C16orf74: variants seen among roughly 807,000 people sequenced by gnomAD.
The protein encoded by C16orf74 is uncharacterized protein C16orf74.
C16orf74 carries 10 observed loss-of-function variants against 6.5 expected under a neutral mutation model. The ratio of observed to expected loss-of-function variants is 1.54; its 90% CI spans 0.95 to 2.61. The LOEUF (loss-of-function observed/expected upper bound fraction) is 2.61, where lower values mean the gene tolerates loss of function less well. Ranked by LOEUF, C16orf74 falls within the 30% of genes most tolerant of loss-of-function variation. C16orf74 has a pLI of 0.00. For missense variants in C16orf74, 141 were observed against 105.9 expected (o/e 1.33, Z -1.45); for synonymous variants, 60 against 42.5 (o/e 1.41, Z -1.60).
intron 1 of C16orf74, among the ~76,000 whole-genome samples, chr16:85,739,564 G>A (rs1007794171): frequency 4.6e-5 from 7 of 152,172 alleles, no homozygotes; most frequent in African/African-American, 1.7e-4. Context: ...AGATAGGAGA[G>A]CATGACATAC....
chr16:85,741,313 T>C (rs1296036363), intron 1 of C16orf74, among the ~76,000 whole-genome samples: 1 of 152,136 alleles, frequency 6.6e-6, no homozygotes, highest in Non-Finnish European at 1.5e-5. Context: ...TGAAGAGGTG[T>C]CTGGAACTGA....
chr16:85,730,782 A>G (rs2054179181), intron 2 of C16orf74, among the ~76,000 whole-genome samples: 1 of 150,948 alleles, frequency 6.6e-6, no homozygotes, highest in African/African-American at 2.4e-5. Flanking sequence ...GACAACTTAA[A>G]CCCCATAGAT....
At chr16:85,748,598 GA>G (rs1367229503) in intron 1 of C16orf74, among the ~76,000 whole-genome samples, 2 of 151,952 alleles carry the variant, frequency 1.3e-5, no homozygotes, top group African/African-American at 4.8e-5. Context: ...ACTGTCTCAA[GA>G]AAAAACAACA....
chr16:85,726,987 A>G (rs114052755), intron 2 of C16orf74, among the ~76,000 whole-genome samples: 3,390 of 152,298 alleles, frequency 0.022, 129 homozygotes, highest in African/African-American at 0.076. Flanking sequence ...CACCCCGGGT[A>G]GGCAGGTGCT....
intron 1 of C16orf74, among the ~76,000 whole-genome samples, chr16:85,738,834 T>C (rs2152064803): frequency 6.6e-6 from 1 of 152,222 alleles, no homozygotes; most frequent in Admixed American, 6.5e-5. Flanking sequence ...GTATTCATGG[T>C]TAGTGAATCC....
chr16:85,721,959 T>C (rs2054087353), intron 2 of C16orf74, among the ~76,000 whole-genome samples: 9 of 150,344 alleles, frequency 6.0e-5, no homozygotes, highest in Admixed American at 5.3e-4. Context: ...AGCCTTCTCA[T>C]TGGAATAGAG....
At chr16:85,744,225 CAAAAAAAAAAAA>C (rs368696989) in intron 1 of C16orf74, 3 of 43,016 alleles carry the variant, frequency 7.0e-5, no homozygotes, top group Admixed American at 5.5e-4. Flanking sequence ...AACTCCGTCT[CAAAAAAAAAAAA>C]AAAAAAAAAA....
chr16:85,740,691 CAAAAAAA>C (rs59658163), intron 1 of C16orf74, among the ~76,000 whole-genome samples: 1,357 of 130,990 alleles, frequency 0.01, 34 homozygotes, highest in African/African-American at 0.034. Flanking sequence ...GACTCTGTTT[CAAAAAAA>C]AAAAAAAAAA....
intron 2 of C16orf74, among the ~76,000 whole-genome samples, chr16:85,726,346 G>A (rs1268940956): frequency 6.6e-6 from 1 of 152,198 alleles, no homozygotes; most frequent in Non-Finnish European, 1.5e-5. Context: ...GTGTGGAGTT[G>A]CCCGGGACAC....
intron 2 of C16orf74, among the ~76,000 whole-genome samples, chr16:85,711,315 TAA>T (rs34082214): frequency 8.1e-5 from 10 of 123,954 alleles, no homozygotes; most frequent in Non-Finnish European, 1.2e-4. Flanking sequence ...GACTCCATCT[TAA>T]AAAAAAAAAA....
In C16orf74 at chr16:85,707,940, CACG is replaced by C; in HGVS notation, c.*65_*67del. 1 of 1,395,846 alleles carries C rather than the reference CACG, an allele frequency of 7.2e-7. No individual in the cohort carries two copies. Among genetic ancestry groups the C allele is most frequent in the Non-Finnish European group, 9.9e-7 (1 of 1,010,956 alleles). 86.5% of individuals were successfully genotyped at this position (1,395,846 alleles called of 1,614,324 possible). A position where few individuals can be genotyped will look rare whatever the true frequency, so the allele number is the denominator to read the frequency against. ...ATTCAGCACACCTGCTCCAGGCAGCCACGCCCCCGGACACCTGAAGCCGGGCCG... is the reference window on the plus strand; with the variant it reads ...ATTCAGCACACCTGCTCCAGGCAGCCCCCCCGGACACCTGAAGCCGGGCCG... On this transcript the variant is annotated 3_prime_UTR_variant, in exon 4 of 4. Transcript: ENST00000284245.
intron 1 of C16orf74, among the ~76,000 whole-genome samples, chr16:85,737,508 G>T (rs1340682888): frequency 6.6e-6 from 1 of 152,176 alleles, no homozygotes; most frequent in African/African-American, 2.4e-5. Flanking sequence ...GACTAACTTG[G>T]GCAACATAAG....
intron 2 of C16orf74, among the ~76,000 whole-genome samples, chr16:85,729,141 G>A (rs551694159): frequency 3.3e-5 from 5 of 152,282 alleles, no homozygotes; most frequent in South Asian, 2.1e-4. Context: ...TTCCCCTTCC[G>A]TCTGTGGAGC....
chr16:85,735,269 G>C, intron 1 of C16orf74, 34 bp from the exon 2 acceptor site: 1 of 1,516,618 alleles, frequency 6.6e-7, no homozygotes, highest in Non-Finnish European at 8.9e-7. Flanking sequence ...GAGAGGGGAG[G>C]GCGCGACTTG....
intron 1 of C16orf74, among the ~76,000 whole-genome samples, chr16:85,747,334 C>A (rs1399842426): frequency 2.0e-5 from 3 of 152,162 alleles, no homozygotes; most frequent in African/African-American, 7.2e-5. Context: ...CACCTGTGGT[C>A]CCAACTACTT....
intron 3 of C16orf74, among the ~76,000 whole-genome samples, chr16:85,708,290 C>T (rs778185686): frequency 1.2e-4 from 19 of 152,080 alleles, no homozygotes; most frequent in African/African-American, 4.6e-4. Flanking sequence ...CAGGAACCTC[C>T]CTGGGGCTCG....
intron 1 of C16orf74, among the ~76,000 whole-genome samples, chr16:85,739,537 T>C (rs936710082): frequency 3.9e-5 from 6 of 152,162 alleles, no homozygotes; most frequent in African/African-American, 1.4e-4. Context: ...GGGATGCTGT[T>C]TACTGTTGAG....
At chr16:85,721,648 C>T (rs899136014) in intron 2 of C16orf74, among the ~76,000 whole-genome samples, 5 of 152,182 alleles carry the variant, frequency 3.3e-5, no homozygotes, top group East Asian at 1.9e-4. Context: ...ATGGGGCTGT[C>T]GGGGGAGCAG....
chr16:85,737,305 A>C (rs1393864925), intron 1 of C16orf74, among the ~76,000 whole-genome samples: 2 of 152,180 alleles, frequency 1.3e-5, no homozygotes, highest in Non-Finnish European at 2.9e-5. Context: ...GCAGAGTCTC[A>C]GGCCCTGAGC....
Sources: allele counts gnomAD v4.1 joint callset (sites outside exome capture counted in the v4.1 genomes callset), GRCh38; gene constraint gnomAD v4.1.1; transcripts MANE v1.5; gene names NCBI Gene and HGNC (gene_info 2026-07-23, HGNC 2026-07-21).